The following ZC3H7A variants were observed in gnomAD, a reference collection of about 807,000 sequenced individuals.
The protein encoded by ZC3H7A is zinc finger CCCH-type containing 7A, also known as zinc finger CCCH domain-containing protein 7A.
ZC3H7A carries 44 observed loss-of-function variants against 125.5 expected under a neutral mutation model. That is an observed-to-expected ratio of 0.35 (90% CI 0.28 to 0.45). The LOEUF is 0.45. Ranked by LOEUF, ZC3H7A falls within the 20% of genes least tolerant of loss-of-function variation. The pLI, the probability that ZC3H7A is intolerant of heterozygous loss-of-function variation, is 1.00. For synonymous variants in ZC3H7A, 399 were observed against 391.2 expected (o/e 1.02, Z -0.23); for missense variants, 977 against 1,170.7 (o/e 0.83, Z 2.41).
At chr16:11,767,787 C>T (rs992558852) in intron 12 of ZC3H7A, among the ~76,000 whole-genome samples, 10 of 152,054 alleles carry the variant, frequency 6.6e-5, no homozygotes, top group Admixed American at 5.9e-4. Flanking sequence ...CTATTCAACT[C>T]CACTCCTGCC....
intron 1 of ZC3H7A, among the ~76,000 whole-genome samples, chr16:11,786,339 G>A (rs1209856337): frequency 1.3e-5 from 2 of 152,178 alleles, no homozygotes; most frequent in Non-Finnish European, 2.9e-5. Context: ...CTGAAACCAG[G>A]ACGATGGCCA....
chr16:11,764,936 A>G (rs1228806166), intron 15 of ZC3H7A, 117 bp downstream of exon 15: 2 of 667,836 alleles, frequency 3.0e-6, no homozygotes, highest in East Asian at 6.4e-5. Context: ...TTGTTCTTCA[A>G]AATAACAACA....
At chr16:11,779,849 G>A (rs1039752430) in intron 3 of ZC3H7A, among the ~76,000 whole-genome samples, 2 of 147,622 alleles carry the variant, frequency 1.4e-5, no homozygotes, top group African/African-American at 5.2e-5. Context: ...ATTTCTAGGT[G>A]GAAAATGGTA....
intron 11 of ZC3H7A, 145 bp downstream of exon 11, chr16:11,768,886 G>T: frequency 3.9e-6 from 3 of 760,740 alleles, no homozygotes; most frequent in Non-Finnish European, 4.1e-6. Flanking sequence ...ATTACTAGAT[G>T]TTCCAGAAGT....
intron 1 of ZC3H7A, among the ~76,000 whole-genome samples, chr16:11,791,392 T>G (rs2053349984): frequency 6.6e-6 from 1 of 152,104 alleles, no homozygotes; most frequent in Non-Finnish European, 1.5e-5. Context: ...CAGAGCTGCC[T>G]CCCTTTCATC....
Position 11,776,935 on chromosome 16 carries a change from G to C in ZC3H7A, c.307-26C>G, listed in dbSNP as rs1249239131. 2.6e-6 allele frequency: 4 copies of C among 1,528,656 alleles called. No homozygotes were observed. The East Asian group carries it at 9.6e-5, about 37-fold the overall frequency. The allele number at this position is 1,528,656 out of a possible 1,614,324, so 94.7% of individuals were successfully genotyped here. A position where few individuals can be genotyped will look rare whatever the true frequency, so the allele number is the denominator to read the frequency against. ...CTGGTGTGTAAGACCAAAGAATAAA[G>C]TCAGCAATCAAACAATTCATTTCTT... On this transcript the variant is annotated intron_variant, in intron 4 of 22. Transcript: ENST00000355758.
chr16:11,797,257 G>A lies in ZC3H7A; in HGVS notation c.-168C>T, dbSNP rs1386796518. ...TCTCCCTCGGTTAGCGGCGGCGGCA[G>A]CGGCTCGGTTGCGCCCGCGGCGGCG... On this transcript the variant is annotated 5_prime_UTR_variant, in exon 1 of 23. Coordinates refer to ENST00000355758, the MANE Select transcript of ZC3H7A (RefSeq NM_014153.4). 2.0e-5 allele frequency: 3 copies of A among 150,980 alleles called. No individual in the cohort carries two copies. The highest frequency in any genetic ancestry group is 2.0e-4 in the East Asian group (1 of 5,128). The allele number at this position is 150,980 out of a possible 1,614,324, so 9.4% of individuals were successfully genotyped here.
chr16:11,781,358 CCT>C (rs2053170604), intron 3 of ZC3H7A, 65 bp downstream of exon 3: 1 of 1,507,622 alleles, frequency 6.6e-7, no homozygotes, highest in Non-Finnish European at 9.1e-7. Context: ...TTTGCCAACC[CCT>C]GCTACAAATT....
intron 4 of ZC3H7A, 77 bp from the exon 5 acceptor site, chr16:11,776,986 A>G (rs1239231508): frequency 1.1e-5 from 13 of 1,216,146 alleles, no homozygotes; most frequent in African/African-American, 1.5e-5. Flanking sequence ...TGTAATAAAA[A>G]CAAATTAATA....
intron 18 of ZC3H7A, 84 bp from the exon 19 acceptor site, chr16:11,761,595 G>A: frequency 7.3e-7 from 1 of 1,365,680 alleles, no homozygotes; most frequent in Non-Finnish European, 1.0e-6. Flanking sequence ...GTTTGTACCT[G>A]AGGAACCAGA....
At chr16:11,762,863 A>C in intron 16 of ZC3H7A, 116 bp from the exon 17 acceptor site, 1 of 874,930 alleles carries the variant, frequency 1.1e-6, no homozygotes, top group Non-Finnish European at 1.8e-6. Flanking sequence ...ATACCTCCTA[A>C]TCCATCAGCA....
chr16:11,783,693 G>A (rs775695166), intron 1 of ZC3H7A, among the ~76,000 whole-genome samples: 12 of 152,200 alleles, frequency 7.9e-5, no homozygotes, highest in Admixed American at 6.5e-5. Flanking sequence ...CAGGTGACAG[G>A]AAGGGAAATT....
chr16:11,763,423 A>G (rs2052787601), intron 16 of ZC3H7A, 55 bp downstream of exon 16: 8 of 1,525,168 alleles, frequency 5.2e-6, no homozygotes, highest in Non-Finnish European at 5.3e-6. Context: ...TTACTGTTTC[A>G]TTAAACCCTG....
intron 13 of ZC3H7A, among the ~76,000 whole-genome samples, chr16:11,766,890 A>G (rs1299587348): frequency 6.6e-6 from 1 of 152,230 alleles, no homozygotes; most frequent in Admixed American, 6.5e-5. Context: ...CTCAAAAAAG[A>G]AAAAGTTAAA....
In ZC3H7A at chr16:11,776,355, A is replaced by G; in HGVS notation, c.550T>C (p.Ser184Pro). ...CCATCCCCAGGAACTGATTTTAATG[A>G]GAGCTGAAATAAAATAAAGACACTA... ...IRKAYVRAEL[S>P]LKSVPGDGAT... is the part of the protein sequence containing the mutation. The change falls in exon 7 of 23, where the codon TCA becomes CCA. Residue 184 changes from serine (S) to proline (P), a missense_variant. Coordinates refer to ENST00000355758, the MANE Select transcript of ZC3H7A (RefSeq NM_014153.4). The G allele has an allele frequency of 6.2e-7, 1 of 1,608,896 alleles. No individual in the cohort carries two copies. The highest frequency in any genetic ancestry group is 1.3e-5 in the African/African-American group (1 of 74,716).
chr16:11,759,491 A>G (rs1361019279), intron 19 of ZC3H7A: 2 of 152,206 alleles, frequency 1.3e-5, no homozygotes, highest in Non-Finnish European at 2.9e-5. Flanking sequence ...TCTTCTGCAT[A>G]AAGTCAGTAC....
At chr16:11,775,368 C>T (rs1459056273) in intron 7 of ZC3H7A, among the ~76,000 whole-genome samples, 1 of 144,794 alleles carries the variant, frequency 6.9e-6, no homozygotes, top group African/African-American at 2.6e-5. Context: ...GAGACTCTGT[C>T]TTGGAAAAAA....
At chr16:11,753,652 T>C (rs982973890) in intron 21 of ZC3H7A, 1 of 151,998 alleles carries the variant, frequency 6.6e-6, no homozygotes, top group Non-Finnish European at 1.5e-5. Flanking sequence ...CTTATTTATT[T>C]ATTTGTTTAT....
chr16:11,762,745 T>A lies in ZC3H7A; in HGVS notation c.2005A>T (p.Ile669Phe), dbSNP rs190034095. Residue 669 changes from isoleucine (I) to phenylalanine (F), a missense_variant and splice_region_variant, in exon 17 of 23, where the codon ATC (isoleucine) becomes TTC (phenylalanine). Transcript: ENST00000355758. ...KVWIMQNETG[I>F]SHDAIAQESK... ...TCTTGAGCAATAGCATCATGTGAGATACCTGGGGAATGTACAAGCCTTCCT... is the reference window on the plus strand; with the variant it reads ...TCTTGAGCAATAGCATCATGTGAGAAACCTGGGGAATGTACAAGCCTTCCT... The A allele has an allele frequency of 6.2e-7, 1 of 1,613,678 alleles. No individual in the cohort carries two copies.
Sources: gnomAD v4.1 joint callset for allele counts (sites outside exome capture counted in the v4.1 genomes callset) on GRCh38, gnomAD v4.1.1 for gene constraint, MANE v1.5 for transcripts, NCBI Gene and HGNC (gene_info 2026-07-23, HGNC 2026-07-21) for gene names.